The following CORIN variants were observed in gnomAD, a reference collection of about 807,000 sequenced individuals.
CORIN encodes the protein atrial natriuretic peptide-converting enzyme.
In CORIN, 117 loss-of-function variants were observed where a neutral mutation model predicts 125.3. That is an observed-to-expected ratio of 0.93 (90% CI 0.80 to 1.09). The LOEUF (loss-of-function observed/expected upper bound fraction) is 1.09. Among genes scored for constraint, CORIN ranks in the 50% least tolerant of loss-of-function variants. The probability of loss-of-function intolerance (pLI) is 0.00; values close to 1 mark genes in which losing one functional copy is unlikely to be tolerated. For missense variants in CORIN, 1,253 were observed against 1,306.7 expected (o/e 0.96, Z 0.63); for synonymous variants, 450 against 466.4 (o/e 0.96, Z 0.45).
chr4:47,718,792 T>C (rs564597593), intron 5 of CORIN, among the ~76,000 whole-genome samples: 117 of 152,250 alleles, frequency 7.7e-4, no homozygotes, highest in African/African-American at 2.6e-3. Flanking sequence ...GAAGGAAAAG[T>C]ACTAAAGCAG....
At chr4:47,619,009 G>A (rs1231548478) in intron 19 of CORIN, among the ~76,000 whole-genome samples, 1 of 152,228 alleles carries the variant, frequency 6.6e-6, no homozygotes, top group Non-Finnish European at 1.5e-5. Context: ...AGTTTTTCAC[G>A]TGGGTTTCCT....
In CORIN at chr4:47,706,905, A is replaced by G. The variant is rs1726596213; in HGVS notation, c.800-13822T>C. 88 of 1,599,796 alleles carry G rather than the reference A, an allele frequency of 5.5e-5. 3 individuals are homozygous for G. The South Asian group carries it at 7.3e-4, about 13-fold the overall frequency. On this transcript the variant is annotated intron_variant, in intron 5 of 21. Transcript: ENST00000273857. Reference sequence around the variant, plus strand: ...AAGAGCCGTGGCCTTGGAAAGGGCCATAAGTTCCACCACACTATTTGTGGT... The same window carrying G: ...AAGAGCCGTGGCCTTGGAAAGGGCCGTAAGTTCCACCACACTATTTGTGGT...
rs1231190986 is a variant in CORIN, at chr4:47,594,506, G to T, written c.*1215C>A. The T allele has an allele frequency of 6.6e-6, 1 of 152,510 alleles. No individual in the cohort carries two copies. Among genetic ancestry groups the T allele is most frequent in the Non-Finnish European group, 1.5e-5 (1 of 67,998 alleles). The allele number at this position is 152,510 out of a possible 1,614,324, so 9.4% of individuals were successfully genotyped here. A position where few individuals can be genotyped will look rare whatever the true frequency, so the allele number is the denominator to read the frequency against. ...TGCTTCAGAAATTGAGTTGCGTAAA[G>T]TGGCCTAGAGCTAAAAATCATTTCT... On this transcript the variant is annotated 3_prime_UTR_variant, in exon 22 of 22. Transcript: ENST00000273857.
rs571513190 is a variant in CORIN, at chr4:47,837,448, G to A, written c.63+439C>T. On this transcript the variant is annotated intron_variant, in intron 1 of 21. Coordinates refer to ENST00000273857, the MANE Select transcript of CORIN (RefSeq NM_006587.4). ...GAGACGCCGGCGCAGACAGGAAGCT[G>A]TAGATCCCCGAGGGGCTGGCTCCGA... The A allele has an allele frequency of 1.1e-4, 29 of 262,188 alleles. No homozygotes were observed. The East Asian group carries it at 3.7e-3, about 33-fold the overall frequency. The allele number at this position is 262,188 out of a possible 1,614,324, so 16.2% of individuals were successfully genotyped here.
Position 47,627,139 on chromosome 4 carries a change from C to T in CORIN, c.2199-618G>A, listed in dbSNP as rs140625927. On this transcript the variant is annotated intron_variant, in intron 16 of 21. Coordinates refer to ENST00000273857, the MANE Select transcript of CORIN (RefSeq NM_006587.4). ...CTGGGATCACAGGTACATGCAATCA[C>T]GCCCAGCTAATTTTTATATTTTTAG... Among the ~76,000 whole-genome samples the T allele has an allele frequency of 9.9e-5, 15 of 152,090 alleles. No homozygotes were observed. The East Asian group carries it at 1.5e-3, about 16-fold the overall frequency.
At chr4:47,823,044 A>C (rs1437408194) in intron 1 of CORIN, among the ~76,000 whole-genome samples, 1 of 151,984 alleles carries the variant, frequency 6.6e-6, no homozygotes, top group Non-Finnish European at 1.5e-5. Flanking sequence ...CAATCTCTTG[A>C]CCTCATGATC....
At chr4:47,769,548 C>CA (rs1267499418) in intron 3 of CORIN, among the ~76,000 whole-genome samples, 3 of 151,502 alleles carry the variant, frequency 2.0e-5, no homozygotes, top group African/African-American at 7.3e-5. Context: ...TGGAAACACA[C>CA]AAAAAACAAA....
chr4:47,695,232 G>A (rs1008211391), intron 5 of CORIN, among the ~76,000 whole-genome samples: 15 of 152,138 alleles, frequency 9.9e-5, no homozygotes, highest in Admixed American at 7.2e-4. Flanking sequence ...CTCTCTCTGG[G>A]TTTAAGAGAA....
At position 47,801,733 on chromosome 4, in the gene CORIN, A is replaced by G. The variant is rs556776768; in HGVS notation, c.208+5170T>C. ...GGCCCAGGCCAAAGGGTAATTGCCC[A>G]TCCCAGTGGTGAGAGCTTGAGTTCC... On this transcript the variant is annotated intron_variant, in intron 2 of 21. Transcript: ENST00000273857. 9.0e-4 allele frequency among the ~76,000 whole-genome samples: 137 copies of G among 152,344 alleles called. 2 individuals are homozygous for G. The highest frequency in any genetic ancestry group is 3.4e-3 in the Middle Eastern group (1 of 294).
chr4:47,710,504 T>TACAC (rs1726786524), intron 5 of CORIN, among the ~76,000 whole-genome samples: 1 of 152,256 alleles, frequency 6.6e-6, no homozygotes, highest in Admixed American at 6.5e-5. Flanking sequence ...AGGTTCAGGC[T>TACAC]AAAGCGTTAA....
At chr4:47,638,534 G>A (rs567826982) in intron 16 of CORIN, among the ~76,000 whole-genome samples, 2 of 152,314 alleles carry the variant, frequency 1.3e-5, no homozygotes, top group Admixed American at 6.5e-5. Context: ...TCATGATAGT[G>A]AATAAGTTTC....
At chr4:47,708,016 TA>T (rs1248392864) in intron 5 of CORIN, among the ~76,000 whole-genome samples, 1 of 152,218 alleles carries the variant, frequency 6.6e-6, no homozygotes, top group Non-Finnish European at 1.5e-5. Flanking sequence ...AGGATGAAAC[TA>T]AAGCTCCAGT....
chr4:47,835,173 A>G (rs1733324600), intron 1 of CORIN, among the ~76,000 whole-genome samples: 1 of 152,104 alleles, frequency 6.6e-6, no homozygotes, highest in Non-Finnish European at 1.5e-5. Context: ...GAATCCCTTG[A>G]GTGTTTAGTG....
chr4:47,689,690 G>A (rs144235861), intron 6 of CORIN, among the ~76,000 whole-genome samples: 53 of 152,268 alleles, frequency 3.5e-4, no homozygotes, highest in African/African-American at 1.3e-3. Flanking sequence ...TATTCTAGGA[G>A]CCAGTTATAG....
At chr4:47,637,666 T>C (rs1329271377) in intron 16 of CORIN, among the ~76,000 whole-genome samples, 2 of 152,178 alleles carry the variant, frequency 1.3e-5, no homozygotes, top group South Asian at 2.1e-4. Context: ...AAGTCAGGAA[T>C]TGGGATTTGG....
intron 16 of CORIN, among the ~76,000 whole-genome samples, chr4:47,631,077 T>G (rs566042835): frequency 6.6e-6 from 1 of 152,222 alleles, no homozygotes; most frequent in East Asian, 1.9e-4. Context: ...TATTGACAAG[T>G]TATACCAGTT....
chr4:47,714,218 G>A (rs773029593), intron 5 of CORIN, among the ~76,000 whole-genome samples: 23 of 152,210 alleles, frequency 1.5e-4, no homozygotes, highest in Non-Finnish European at 2.9e-4. Flanking sequence ...TAGAGCTTAC[G>A]TAGACAAACT....
chr4:47,747,331 G>A (rs1030345961), intron 4 of CORIN, among the ~76,000 whole-genome samples: 2 of 151,958 alleles, frequency 1.3e-5, no homozygotes, highest in Non-Finnish European at 2.9e-5. Context: ...CTGCTCACTG[G>A]GGCAATGGAA....
At chr4:47,767,846 G>C (rs1333472978) in intron 3 of CORIN, among the ~76,000 whole-genome samples, 1 of 152,068 alleles carries the variant, frequency 6.6e-6, no homozygotes, top group African/African-American at 2.4e-5. Context: ...AAATTCCTGG[G>C]CACATACAAC....
Sources: gnomAD v4.1 joint callset for allele counts (sites outside exome capture counted in the v4.1 genomes callset) on GRCh38, gnomAD v4.1.1 for gene constraint, MANE v1.5 for transcripts, NCBI Gene and HGNC (gene_info 2026-07-23, HGNC 2026-07-21) for gene names.